The following CNTN4 variants were observed in gnomAD, a reference collection of about 807,000 sequenced individuals.
CNTN4 encodes contactin 4, also known as contactin-4.
A neutral mutation model predicts 122.5 loss-of-function variants in CNTN4; 77 were observed. The ratio of observed to expected loss-of-function variants is 0.63; its 90% CI spans 0.52 to 0.76. CNTN4 has a LOEUF of 0.76. Among genes scored for constraint, CNTN4 ranks in the 30% least tolerant of loss-of-function variants. The probability of loss-of-function intolerance (pLI) is 0.00; values close to 1 mark genes in which losing one functional copy is unlikely to be tolerated. For synonymous variants in CNTN4, 512 were observed against 447.0 expected (o/e 1.15, Z -1.83); for missense variants, 1,256 against 1,259.1 (o/e 1.00, Z 0.04).
intron 4 of CNTN4, among the ~76,000 whole-genome samples, chr3:2,667,471 C>T (rs943167153): frequency 6.6e-6 from 1 of 151,932 alleles, no homozygotes; most frequent in African/African-American, 2.4e-5. Flanking sequence ...GTTTGAGTTC[C>T]TTGTAGATTC....
intron 10 of CNTN4, among the ~76,000 whole-genome samples, chr3:2,889,623 A>G (rs67236078): frequency 0.34 from 51,855 of 152,050 alleles, 9,409 homozygotes; most frequent in East Asian, 0.58. Flanking sequence ...AAATATTCAG[A>G]TAATTGGCCA....
intron 2 of CNTN4, among the ~76,000 whole-genome samples, chr3:2,214,566 A>G (rs537331882): frequency 3.4e-4 from 52 of 152,336 alleles, no homozygotes; most frequent in Middle Eastern, 3.4e-3. Context: ...AAAATTATGC[A>G]TGACTGAATT....
intron 3 of CNTN4, among the ~76,000 whole-genome samples, chr3:2,475,556 G>A (rs899010032): frequency 5.9e-5 from 9 of 152,156 alleles, no homozygotes; most frequent in African/African-American, 2.2e-4. Flanking sequence ...ACAAATGATA[G>A]TGCACAGATG....
intron 3 of CNTN4, among the ~76,000 whole-genome samples, chr3:2,465,338 A>G (rs1332985168): frequency 1.3e-5 from 2 of 152,178 alleles, no homozygotes; most frequent in African/African-American, 4.8e-5. Context: ...AAATTTCAGC[A>G]AAGATCTGAA....
intron 2 of CNTN4, among the ~76,000 whole-genome samples, chr3:2,178,957 G>T (rs551483255): frequency 4.0e-4 from 61 of 152,124 alleles, no homozygotes; most frequent in Admixed American, 1.1e-3. Context: ...TTGGAACTGA[G>T]TAAAGTAGAT....
chr3:2,273,537 G>T (rs2041384031), intron 2 of CNTN4, among the ~76,000 whole-genome samples: 1 of 152,146 alleles, frequency 6.6e-6, no homozygotes, highest in African/African-American at 2.4e-5. Context: ...AGTTGAATTA[G>T]TCTTTGGGAT....
At chr3:2,514,564 CTG>C (rs781750624) in intron 3 of CNTN4, among the ~76,000 whole-genome samples, 2 of 152,138 alleles carry the variant, frequency 1.3e-5, no homozygotes, top group Non-Finnish European at 2.9e-5. Flanking sequence ...CAAGCCTTAA[CTG>C]TGCATTGTCA....
At chr3:2,868,930 A>G (rs2093754282) in intron 8 of CNTN4, among the ~76,000 whole-genome samples, 1 of 152,150 alleles carries the variant, frequency 6.6e-6, no homozygotes, top group African/African-American at 2.4e-5. Context: ...CTGAATAGCA[A>G]GAAACCGGCC....
At chr3:2,747,418 AT>A (rs1559460319) in intron 6 of CNTN4, among the ~76,000 whole-genome samples, 4 of 5,672 alleles carry the variant, frequency 7.1e-4, no homozygotes, top group Non-Finnish European at 2.5e-3. Context: ...AAAAAAAAAA[AT>A]AAAAATAAAA....
At chr3:2,123,125 G>C (rs760256145) in intron 2 of CNTN4, among the ~76,000 whole-genome samples, 15 of 152,192 alleles carry the variant, frequency 9.9e-5, no homozygotes, top group Non-Finnish European at 1.6e-4. Flanking sequence ...GCCAGACACA[G>C]TGGAGTTTAT....
chr3:2,792,815 A>G (rs1183771219), intron 6 of CNTN4, among the ~76,000 whole-genome samples: 1 of 152,222 alleles, frequency 6.6e-6, no homozygotes, highest in Non-Finnish European at 1.5e-5. Flanking sequence ...GTATAGTAAT[A>G]ATAAATCCCT....
chr3:2,851,782 A>C (rs76291406), intron 7 of CNTN4, among the ~76,000 whole-genome samples: 1,812 of 152,338 alleles, frequency 0.012, 32 homozygotes, highest in African/African-American at 0.042. Context: ...ACTGTAAAAG[A>C]AAAGATCATC....
intron 2 of CNTN4, among the ~76,000 whole-genome samples, chr3:2,282,839 G>A (rs112741629): frequency 7.9e-5 from 12 of 152,262 alleles, no homozygotes; most frequent in African/African-American, 2.6e-4. Flanking sequence ...GTTCTAATAC[G>A]TGTTACAAGT....
intron 14 of CNTN4, among the ~76,000 whole-genome samples, chr3:3,020,111 C>T (rs1342729252): frequency 6.6e-6 from 1 of 151,964 alleles, no homozygotes; most frequent in Non-Finnish European, 1.5e-5. Flanking sequence ...ATTCCATATT[C>T]GACATAAGTC....
chr3:2,813,415 G>C (rs575468568), intron 6 of CNTN4, among the ~76,000 whole-genome samples: 1 of 152,034 alleles, frequency 6.6e-6, no homozygotes, highest in Non-Finnish European at 1.5e-5. Context: ...AAGTGAATTG[G>C]TATTTTTTTA....
In CNTN4 at chr3:2,406,747, C is replaced by T. The variant is rs78646946; in HGVS notation, c.-89+67514C>T. 2.0e-5 allele frequency among the ~76,000 whole-genome samples: 3 copies of T among 152,220 alleles called. No homozygotes were observed. The East Asian group carries it at 5.8e-4, about 29-fold the overall frequency. On this transcript the variant is annotated intron_variant, in intron 3 of 24. Coordinates refer to ENST00000418658, the MANE Select transcript of CNTN4 (RefSeq NM_175607.3). ...GAGCCTGTTACAAAGTATGTGAAAT[C>T]TAACAGAGAGACAATGTAGCCTCAT...
intron 7 of CNTN4, among the ~76,000 whole-genome samples, chr3:2,821,311 A>T (rs780580924): frequency 3.3e-5 from 5 of 152,164 alleles, no homozygotes; most frequent in Non-Finnish European, 7.3e-5. Context: ...CTTCTAGAGG[A>T]TGTCTTCCAG....
chr3:2,854,163 A>G (rs911093661), intron 7 of CNTN4, among the ~76,000 whole-genome samples: 10 of 152,152 alleles, frequency 6.6e-5, no homozygotes, highest in African/African-American at 1.9e-4. Context: ...AACAGACCGA[A>G]TGCTTTTGTT....
chr3:2,628,214 T>C (rs1430587119), intron 4 of CNTN4, among the ~76,000 whole-genome samples: 3 of 152,194 alleles, frequency 2.0e-5, no homozygotes, highest in Non-Finnish European at 2.9e-5. Flanking sequence ...GTACCCCTTT[T>C]AGCAGAAGTT....
Sources: gnomAD v4.1 joint callset for allele counts (sites outside exome capture counted in the v4.1 genomes callset) on GRCh38, gnomAD v4.1.1 for gene constraint, MANE v1.5 for transcripts, NCBI Gene and HGNC (gene_info 2026-07-23, HGNC 2026-07-21) for gene names.